Variants in OR51E1 observed in about 807,000 individuals in gnomAD.
OR51E1 encodes the protein olfactory receptor 51E1.
Under a neutral mutation model 11.5 loss-of-function variants are expected in OR51E1, and 9 were observed. The ratio of observed to expected loss-of-function variants is 0.78; its 90% confidence interval spans 0.47 to 1.37. The LOEUF (loss-of-function observed/expected upper bound fraction) is 1.37. Ranked by LOEUF, OR51E1 falls within the 40% of genes most tolerant of loss-of-function variation. The probability of loss-of-function intolerance (pLI) is 0.00; values close to 1 mark genes in which losing one functional copy is unlikely to be tolerated. For synonymous variants in OR51E1, 168 were observed against 158.3 expected (o/e 1.06, Z -0.46); for missense variants, 397 against 410.2 (o/e 0.97, Z 0.28).
At chr11:4,647,198 G>T (rs1453508347) in intron 1 of OR51E1, among the ~76,000 whole-genome samples, 1 of 152,172 alleles carries the variant, frequency 6.6e-6, no homozygotes, top group Non-Finnish European at 1.5e-5. Context: ...CTGTCATTTT[G>T]TAGGTGCTCA....
At chr11:4,644,288 C>T (rs1410970743) in intron 1 of OR51E1, among the ~76,000 whole-genome samples, 1 of 152,050 alleles carries the variant, frequency 6.6e-6, no homozygotes, top group Non-Finnish European at 1.5e-5. Context: ...TACTAGTATG[C>T]CCATCTGGAG....
In OR51E1 at chr11:4,653,335, G is replaced by A. The variant is rs200363222; in HGVS notation, c.809G>A (p.Arg270His). 1.3e-4 allele frequency: 211 copies of A among 1,613,906 alleles called. No homozygotes were observed. Among genetic ancestry groups the A allele is most frequent in the Non-Finnish European group, 1.7e-4 (206 of 1,179,946 alleles). Residue 270 changes from arginine (R) to histidine (H), a missense_variant, in exon 2 of 2, where the codon CGT becomes CAT. Transcript: ENST00000396952. ...LSMVHRFSKR[R>H]DSPLPVILAN... is the part of the protein sequence containing the mutation. ...ATGGTGCATCGCTTTAGCAAGCGGC[G>A]TGACTCTCCGCTGCCCGTCATCTTG...
rs2133228579 is a variant in OR51E1 at position 4,653,803 on chromosome 11, A to G, written c.*320A>G. 1 of 230,594 alleles carries G rather than the reference A, an allele frequency of 4.3e-6. No individual in the cohort carries two copies. The highest frequency in any genetic ancestry group is 1.4e-4 in the South Asian group (1 of 7,370). The allele number at this position is 230,594 out of a possible 1,614,324, so 14.3% of individuals were successfully genotyped here. On this transcript the variant is annotated 3_prime_UTR_variant, in exon 2 of 2. Coordinates refer to ENST00000396952, the MANE Select transcript of OR51E1 (RefSeq NM_152430.4). ...GAGATAAGAATGGTACATCTAGAGAACATTTGCCAAAGGCCTAAGCACGGC... is the reference window on the plus strand; with the variant it reads ...GAGATAAGAATGGTACATCTAGAGAGCATTTGCCAAAGGCCTAAGCACGGC...
rs1203483766 is a variant in OR51E1 at position 4,653,373 on chromosome 11, C to T, written c.847C>T (p.Leu283=). The change falls in exon 2 of 2, where the codon CTG becomes TTG. Residue 283 remains leucine (L), a synonymous_variant. Coordinates refer to ENST00000396952, the MANE Select transcript of OR51E1 (RefSeq NM_152430.4). ...GCCCGTCATCTTGGCCAATATCTAT[C>T]TGCTGGTTCCTCCTGTGCTCAACCC... ...PLPVILANIY[L]LVPPVLNPIV... 1.9e-6 allele frequency: 3 copies of T among 1,614,044 alleles called. No homozygotes were observed. The highest frequency in any genetic ancestry group is 8.5e-7 in the Non-Finnish European group (1 of 1,179,898).
At chr11:4,650,017 T>C (rs942438520) in intron 1 of OR51E1, among the ~76,000 whole-genome samples, 4 of 152,198 alleles carry the variant, frequency 2.6e-5, no homozygotes, top group African/African-American at 9.7e-5. Context: ...ATAGTTTCAA[T>C]GGCTATATAA....
intron 1 of OR51E1, among the ~76,000 whole-genome samples, chr11:4,645,091 C>T (rs2133222793): frequency 6.7e-6 from 1 of 149,754 alleles, no homozygotes; most frequent in East Asian, 2.0e-4. Context: ...GTATGAGTGT[C>T]CTGCACCCAT....
At position 4,650,185 on chromosome 11, in the gene OR51E1, A is replaced by G. The variant is rs75098987; in HGVS notation, c.-39-2303A>G. ...CTAGGTTTGGGGATCAATTGTTTGT[A>G]TAACAAAAATGGATTTACTGAAGGG... On this transcript the variant is annotated intron_variant, in intron 1 of 1. Coordinates refer to ENST00000396952, the MANE Select transcript of OR51E1 (RefSeq NM_152430.4). Among the ~76,000 whole-genome samples, 61 of 152,308 alleles carry G rather than the reference A, an allele frequency of 4.0e-4. 2 individuals carry two copies. The East Asian group carries it at 0.011, about 27-fold the overall frequency.
In OR51E1 at chr11:4,652,555, C is replaced by G; in HGVS notation, c.29C>G (p.Ser10Cys). 6.2e-7 allele frequency: 1 copy of G among 1,613,584 alleles called. No homozygotes were observed. Among genetic ancestry groups the G allele is most frequent in the East Asian group, 2.2e-5 (1 of 44,880 alleles). The part of the protein sequence containing the change: MMVDPNGNE[S>C]SATYFILIGL... ...ATGGTGGATCCCAATGGCAATGAAT[C>G]CAGTGCTACATACTTCATCCTAATA... Residue 10 changes from serine to cysteine, a missense_variant, in exon 2 of 2, where the codon TCC becomes TGC. Physicochemically the swap from Ser to Cys is moderately radical, Grantham distance 112 (BLOSUM62 -1). Transcript: ENST00000396952.
chr11:4,649,517 C>G (rs184214875), intron 1 of OR51E1, among the ~76,000 whole-genome samples: 1 of 152,214 alleles, frequency 6.6e-6, no homozygotes, highest in Non-Finnish European at 1.5e-5. Flanking sequence ...AGGGAGGAAC[C>G]CAGGCCCGGA....
chr11:4,652,487 G>A lies in OR51E1; in HGVS notation c.-39-1G>A. 3 of 1,410,220 alleles carry A rather than the reference G, an allele frequency of 2.1e-6. No homozygotes were observed. In the South Asian group the frequency reaches 3.7e-5, roughly 17 times the overall value. The allele number at this position is 1,410,220 out of a possible 1,614,324, so 87.4% of individuals were successfully genotyped here. On this transcript the variant is annotated splice_acceptor_variant, in intron 1 of 1. Transcript: ENST00000396952. LOFTEE classifies it low-confidence loss of function (5UTR_SPLICE). ...GACAGTGGCTTATCTTTGCATTCCA[G>A]CCTCTACCTGCCTGGTGCTGGTCAC...
intron 1 of OR51E1, among the ~76,000 whole-genome samples, chr11:4,646,291 T>A (rs549805294): frequency 1.3e-5 from 2 of 152,332 alleles, no homozygotes; most frequent in East Asian, 3.9e-4. Flanking sequence ...TGGTTCTCCT[T>A]CCACACTGAA....
rs1224335855 is a variant in OR51E1, at chr11:4,655,092, C to T, written c.*1609C>T. On this transcript the variant is annotated 3_prime_UTR_variant, in exon 2 of 2. Transcript: ENST00000396952. ...CTGCTCTTTGCTCATCATTGAATCCCCCAGCAAAGTGCCTAGAACATAATA... is the reference window on the plus strand; with the variant it reads ...CTGCTCTTTGCTCATCATTGAATCCTCCAGCAAAGTGCCTAGAACATAATA... 1 of 167,084 alleles carries T rather than the reference C, an allele frequency of 6.0e-6. No individual in the cohort carries two copies. The highest frequency in any genetic ancestry group is 1.5e-5 in the Non-Finnish European group (1 of 68,120). The allele number at this position is 167,084 out of a possible 1,614,324, so 10.4% of individuals were successfully genotyped here. A position where few individuals can be genotyped will look rare whatever the true frequency, so the allele number is the denominator to read the frequency against.
intron 1 of OR51E1, among the ~76,000 whole-genome samples, chr11:4,644,844 T>C (rs10768149): frequency 0.42 from 63,952 of 152,036 alleles, 15,104 homozygotes; most frequent in Middle Eastern, 0.54. Flanking sequence ...TGTTACCTGA[T>C]GAGGTCCTTG....
chr11:4,646,168 C>G (rs1448070829), intron 1 of OR51E1, among the ~76,000 whole-genome samples: 1 of 152,336 alleles, frequency 6.6e-6, no homozygotes, highest in East Asian at 1.9e-4. Flanking sequence ...ACATTCTTTT[C>G]TAAATATTCC....
Position 4,653,022 on chromosome 11 carries a change from A to G in OR51E1, c.496A>G (p.Ile166Val). The G allele has an allele frequency of 3.1e-6, 5 of 1,608,796 alleles. No homozygotes were observed. Among genetic ancestry groups the G allele is most frequent in the Non-Finnish European group, 3.4e-6 (4 of 1,177,008 alleles). The stretch of plus-strand genomic sequence containing the variant: ...ACTGATGGCACCCCTTCCTGTCTTC[A>G]TCAAGCAGCTGCCCTTCTGCCGCTC... ...AALMAPLPVFIKQLPFCRSNI... is the reference protein window; with the variant it reads ...AALMAPLPVFVKQLPFCRSNI... The change falls in exon 2 of 2, where the codon ATC becomes GTC. Residue 166 changes from isoleucine to valine, a missense_variant. Transcript: ENST00000396952.
chr11:4,652,447 G>T, intron 1 of OR51E1, 41 bp from the exon 2 acceptor site: 1 of 876,770 alleles, frequency 1.1e-6, no homozygotes, highest in Non-Finnish European at 1.8e-6. Context: ...TAGGTATTGG[G>T]ATGCTTATGG....
chr11:4,644,174 A>G (rs1423306986), intron 1 of OR51E1, 144 bp downstream of exon 1: 1 of 152,242 alleles, frequency 6.6e-6, no homozygotes, highest in African/African-American at 2.4e-5. Context: ...GACTCAAAGG[A>G]CAGGCAGCCT....
chr11:4,646,547 CT>C (rs1360799394), intron 1 of OR51E1, among the ~76,000 whole-genome samples: 2 of 152,168 alleles, frequency 1.3e-5, no homozygotes, highest in Non-Finnish European at 2.9e-5. Flanking sequence ...ATGATATCTG[CT>C]TGACAGGTGG....
rs1019691104 is a variant in OR51E1 at position 4,654,197 on chromosome 11, T to C, written c.*714T>C. ...GTTCAGTGGGGATCAGTGAATTAAA[T>C]GGGGTCATACAAGTATAAAAATTAA... On this transcript the variant is annotated 3_prime_UTR_variant, in exon 2 of 2. Coordinates refer to ENST00000396952, the MANE Select transcript of OR51E1 (RefSeq NM_152430.4). 1.8e-5 allele frequency: 3 copies of C among 166,880 alleles called. No homozygotes were observed. The highest frequency in any genetic ancestry group is 7.3e-5 in the African/African-American group (3 of 41,362). The allele number at this position is 166,880 out of a possible 1,614,324, so 10.3% of individuals were successfully genotyped here.
Sources: allele counts gnomAD v4.1 joint callset (sites outside exome capture counted in the v4.1 genomes callset), GRCh38; gene constraint gnomAD v4.1.1; transcripts MANE v1.5; gene names NCBI Gene and HGNC (gene_info 2026-07-23, HGNC 2026-07-21).